DCAF6: variants seen among roughly 807,000 people sequenced by gnomAD.
The protein encoded by DCAF6 is DDB1- and CUL4-associated factor 6.
In DCAF6, 54 loss-of-function variants were observed where a neutral mutation model predicts 125.1. The ratio of observed to expected loss-of-function variants is 0.43; its 90% CI spans 0.35 to 0.54. DCAF6 has a LOEUF of 0.54. Ranked by LOEUF, DCAF6 falls within the 20% of genes least tolerant of loss-of-function variation. The pLI is 0.01. For missense variants in DCAF6, 934 were observed against 1,161.7 expected (o/e 0.80, Z 2.85); for synonymous variants, 371 against 390.4 (o/e 0.95, Z 0.58).
intron 4 of DCAF6, among the ~76,000 whole-genome samples, chr1:167,980,916 CTTTTTTTT>C (rs71100920): frequency 8.8e-6 from 1 of 113,570 alleles, no homozygotes; most frequent in East Asian, 2.4e-4. Flanking sequence ...TCTGAATTTT[CTTTTTTTT>C]TTTTTTTTTT....
At chr1:168,029,475 C>G (rs1572008610) in intron 12 of DCAF6, among the ~76,000 whole-genome samples, 1 of 152,194 alleles carries the variant, frequency 6.6e-6, no homozygotes, top group African/African-American at 2.4e-5. Flanking sequence ...AATAACACTA[C>G]TGTCTTCTGT....
intron 6 of DCAF6, among the ~76,000 whole-genome samples, chr1:167,992,928 G>T (rs552644920): frequency 1.3e-5 from 2 of 152,084 alleles, no homozygotes; most frequent in East Asian, 3.8e-4. Context: ...AGATGACTTC[G>T]TGTGATTGTA....
At chr1:167,941,030 C>G (rs1672156057) in intron 1 of DCAF6, among the ~76,000 whole-genome samples, 2 of 152,144 alleles carry the variant, frequency 1.3e-5, no homozygotes, top group East Asian at 1.9e-4. Context: ...TTGAATACAT[C>G]TGCATTCTAG....
chr1:167,916,351 C>T, the DCAF6 span, among the ~76,000 whole-genome samples: 4 of 152,246 alleles, frequency 2.6e-5, no homozygotes, highest in South Asian at 2.1e-4. Flanking sequence ...GGATTACAGG[C>T]GTGCGCCACC....
At chr1:167,925,472 T>TATATATATAC in the DCAF6 span, among the ~76,000 whole-genome samples, 3 of 102,042 alleles carry the variant, frequency 2.9e-5, no homozygotes, top group South Asian at 8.5e-4. Context: ...TATATATATA[T>TATATATATAC]ATACATATAC....
At chr1:168,054,635 T>A (rs1007308224) in intron 17 of DCAF6, among the ~76,000 whole-genome samples, 3 of 152,198 alleles carry the variant, frequency 2.0e-5, no homozygotes, top group African/African-American at 7.2e-5. Context: ...CTTATAGGAT[T>A]CAATTGGACT....
intron 7 of DCAF6, among the ~76,000 whole-genome samples, chr1:167,997,906 A>G (rs1307406358): frequency 2.0e-5 from 3 of 152,184 alleles, no homozygotes. Context: ...GAGATACTCA[A>G]CGTTATTAGT....
rs1454527494 is a variant in DCAF6 at position 168,065,614 on chromosome 1, G to A, written c.2464G>A (p.Ala822Thr). ...TMIKEANFWGANFVMSGSDCG... is the reference protein window; with the variant it reads ...TMIKEANFWGTNFVMSGSDCG... ...GATAAAAGAAGCCAATTTCTGGGGT[G>A]CTAACTTTGTAATGAGTGGTTCTGA... is the stretch of plus-strand genomic sequence containing the variant. Residue 822 changes from alanine (A) to threonine (T), a missense_variant, in exon 19 of 22, where the codon GCT becomes ACT. By Grantham distance (58) the Ala-to-Thr change is moderately conservative. Transcript: ENST00000367840. The A allele has an allele frequency of 6.2e-7, 1 of 1,606,918 alleles. No individual in the cohort carries two copies.
chr1:167,906,753 C>T, the DCAF6 span, among the ~76,000 whole-genome samples: 2 of 152,160 alleles, frequency 1.3e-5, no homozygotes, highest in Admixed American at 1.3e-4. Flanking sequence ...CGTGTCACTG[C>T]ACTCTATCCT....
At chr1:167,936,239 T>C (rs1370757293), upstream of DCAF6, 1 of 235,824 alleles carries the variant, frequency 4.2e-6, no homozygotes, top group African/African-American at 2.4e-5. Flanking sequence ...AACCTCCTCC[T>C]TCTCCCCATG....
At chr1:167,989,312 A>G (rs2102996743) in intron 5 of DCAF6, among the ~76,000 whole-genome samples, 1 of 152,324 alleles carries the variant, frequency 6.6e-6, no homozygotes, top group East Asian at 1.9e-4. Flanking sequence ...GTTTCAGTGT[A>G]GTAAGATTTA....
chr1:167,905,109 C>G, the DCAF6 span: 2 of 1,614,144 alleles, frequency 1.2e-6, no homozygotes, highest in South Asian at 2.2e-5. Flanking sequence ...GACTATGGGC[C>G]AGTCCTGGAA....
chr1:167,879,578 A>G, the DCAF6 span, among the ~76,000 whole-genome samples: 1 of 152,172 alleles, frequency 6.6e-6, no homozygotes, highest in Admixed American at 6.5e-5. Context: ...CTTTTGAAGA[A>G]CATCTCAGAC....
intron 6 of DCAF6, 34 bp downstream of exon 6, chr1:167,991,373 G>A (rs1380668601): frequency 1.3e-6 from 2 of 1,568,854 alleles, no homozygotes; most frequent in Non-Finnish European, 1.7e-6. Flanking sequence ...ATATAGGACT[G>A]TCAGTTCAAA....
At chr1:167,995,681 GAAAA>G (rs200291600) in intron 7 of DCAF6, among the ~76,000 whole-genome samples, 1 of 85,380 alleles carries the variant, frequency 1.2e-5, no homozygotes, top group Admixed American at 1.2e-4. Context: ...CTCAGTCTCA[GAAAA>G]AAAAAAAAAA....
At chr1:167,932,047 TA>T (rs1299448523), upstream of DCAF6, among the ~76,000 whole-genome samples, 1 of 152,180 alleles carries the variant, frequency 6.6e-6, no homozygotes, top group African/African-American at 2.4e-5. Context: ...TTCACAGAAC[TA>T]TTTTTTCAAA....
chr1:168,013,221 A>G (rs376606497), intron 10 of DCAF6, among the ~76,000 whole-genome samples: 3 of 152,322 alleles, frequency 2.0e-5, no homozygotes, highest in East Asian at 3.9e-4. Context: ...ATACTACCCT[A>G]TTGGTACTGG....
the DCAF6 span, chr1:167,878,412 A>G: frequency 4.4e-6 from 7 of 1,604,954 alleles, no homozygotes; most frequent in Non-Finnish European, 6.0e-6. Flanking sequence ...CTTCTTTACT[A>G]AAATATACTT....
the DCAF6 span, among the ~76,000 whole-genome samples, chr1:167,927,711 T>G: frequency 6.6e-6 from 1 of 152,218 alleles, no homozygotes; most frequent in Non-Finnish European, 1.5e-5. Flanking sequence ...TAGGTTTGCC[T>G]GGTAACTAAT....
Sources: allele counts gnomAD v4.1 joint callset (sites outside exome capture counted in the v4.1 genomes callset), GRCh38; gene constraint gnomAD v4.1.1; transcripts MANE v1.5; gene names NCBI Gene and HGNC (gene_info 2026-07-23, HGNC 2026-07-21).